The following SLCO1A2 variants were observed in gnomAD, a reference collection of about 807,000 sequenced individuals.
SLCO1A2 encodes the protein OATP-1.
In SLCO1A2, 67 loss-of-function variants were observed where a neutral mutation model predicts 69.0. That is an observed-to-expected ratio of 0.97 (90% confidence interval 0.80 to 1.19). The LOEUF (loss-of-function observed/expected upper bound fraction) is 1.19, where lower values mean the gene tolerates loss of function less well. Among genes scored for constraint, SLCO1A2 ranks in the 50% most tolerant of loss-of-function variants. The pLI, the probability that SLCO1A2 is intolerant of heterozygous loss-of-function variation, is 0.00. For missense variants in SLCO1A2, 787 were observed against 793.7 expected (o/e 0.99, Z 0.10); for synonymous variants, 260 against 265.9 (o/e 0.98, Z 0.22).
rs1187217357 is a variant in SLCO1A2, at chr12:21,268,408, A to G, written c.*1140T>C. 1 of 152,014 alleles carries G rather than the reference A, an allele frequency of 6.6e-6. No individual in the cohort carries two copies. The highest frequency in any genetic ancestry group is 1.9e-4 in the East Asian group (1 of 5,174). The allele number at this position is 152,014 out of a possible 1,614,324, so 9.4% of individuals were successfully genotyped here. On this transcript the variant is annotated 3_prime_UTR_variant, in exon 15 of 15. Coordinates refer to ENST00000683939, the MANE Select transcript of SLCO1A2 (RefSeq NM_001386879.1). ...TCCATTAGGGATTTATGTCATTCTT[A>G]TATATTGACTGTCATTTCAACAGGA...
chr12:21,409,954 A>G (rs777102030), intron 1 of SLCO1A2, among the ~76,000 whole-genome samples: 4 of 152,136 alleles, frequency 2.6e-5, no homozygotes, highest in Non-Finnish European at 5.9e-5. Context: ...CTATTTTTAA[A>G]ATGTGGAAAG....
intron 2 of SLCO1A2, among the ~76,000 whole-genome samples, chr12:21,351,141 A>T (rs967545598): frequency 1.3e-5 from 2 of 152,164 alleles, no homozygotes; most frequent in Admixed American, 1.3e-4. Flanking sequence ...CACTATGGGG[A>T]GGCACTGAGT....
chr12:21,280,712 T>A (rs960414962), intron 12 of SLCO1A2, among the ~76,000 whole-genome samples: 1 of 149,750 alleles, frequency 6.7e-6, no homozygotes, highest in Non-Finnish European at 1.5e-5. Context: ...CAAAGAAACA[T>A]TGGATTTCAT....
At chr12:21,385,060 C>A (rs1018644383) in intron 1 of SLCO1A2, among the ~76,000 whole-genome samples, 1 of 152,060 alleles carries the variant, frequency 6.6e-6, no homozygotes, top group Non-Finnish European at 1.5e-5. Flanking sequence ...CCACTTCGCC[C>A]GGCCAGATTT....
chr12:21,368,877 A>AATCTTCT (rs1939583842), intron 2 of SLCO1A2, among the ~76,000 whole-genome samples: 1 of 152,176 alleles, frequency 6.6e-6, no homozygotes, highest in Non-Finnish European at 1.5e-5. Context: ...AGGAGAGCTG[A>AATCTTCT]ATCTTCTTCT....
chr12:21,383,620 G>A (rs1027042386), intron 1 of SLCO1A2, among the ~76,000 whole-genome samples: 14 of 151,944 alleles, frequency 9.2e-5, no homozygotes, highest in Admixed American at 3.3e-4. Context: ...ACACAGATAA[G>A]AGTCTATGTA....
chr12:21,339,559 T>C (rs1388887565), upstream of SLCO1A2, among the ~76,000 whole-genome samples: 1 of 151,862 alleles, frequency 6.6e-6, no homozygotes, highest in East Asian at 1.9e-4. Flanking sequence ...GAACTCATAA[T>C]AGATAATTTA....
chr12:21,410,785 G>A (rs1591922643), intron 1 of SLCO1A2, among the ~76,000 whole-genome samples: 1 of 152,148 alleles, frequency 6.6e-6, no homozygotes, highest in Middle Eastern at 3.4e-3. Context: ...AAATGGTTAG[G>A]TATAAAATTA....
chr12:21,417,732 T>C (rs1025199606), intron 1 of SLCO1A2: 19 of 152,236 alleles, frequency 1.2e-4, no homozygotes, highest in African/African-American at 4.6e-4. Context: ...ATTTGGTGGA[T>C]GTCAAAAAGT....
At chr12:21,274,907 A>AT (rs946486110) in intron 13 of SLCO1A2, 1 of 1,059,006 alleles carries the variant, frequency 9.4e-7, no homozygotes, top group Non-Finnish European at 1.1e-6. Context: ...ATTTTCTTTC[A>AT]TTTTATTTTC....
chr12:21,400,372 A>C (rs71446785), upstream of SLCO1A2, among the ~76,000 whole-genome samples: 5 of 151,096 alleles, frequency 3.3e-5, no homozygotes, highest in African/African-American at 1.2e-4. Context: ...AAAAGTCAGG[A>C]AGCAACAGAT....
chr12:21,335,101 T>G (rs1439720392), upstream of SLCO1A2, among the ~76,000 whole-genome samples: 1 of 152,016 alleles, frequency 6.6e-6, no homozygotes. Flanking sequence ...ACTAAAAACC[T>G]GCTTCACTAA....
intron 6 of SLCO1A2, 64 bp from the exon 7 acceptor site, chr12:21,301,333 C>G: frequency 9.6e-7 from 1 of 1,044,308 alleles, no homozygotes; most frequent in Non-Finnish European, 1.4e-6. Context: ...AGTTCTAGGT[C>G]TATGAAAAGC....
At position 21,304,537 on chromosome 12, in the gene SLCO1A2, T is replaced by G. The variant is rs1214771199; in HGVS notation, c.479A>C (p.Tyr160Ser). ...TKEVKSLMWV[Y>S]VLVGNIVRGM... is the part of the protein sequence containing the mutation. ...ACGTACAATATTGCCTACTAGGACG[T>G]ACACCCACATTAATGATTTAACTTC... The change falls in exon 6 of 15, where the codon TAC becomes TCC. Residue 160 changes from tyrosine to serine, a missense_variant. Tyr to Ser is a moderately radical substitution (Grantham distance 144, BLOSUM62 -2). Transcript: ENST00000683939. 6.2e-7 allele frequency: 1 copy of G among 1,612,966 alleles called. No homozygotes were observed. The highest frequency in any genetic ancestry group is 8.5e-7 in the Non-Finnish European group (1 of 1,179,294).
chr12:21,293,341 A>C (rs1296512972), intron 11 of SLCO1A2, among the ~76,000 whole-genome samples: 1 of 152,140 alleles, frequency 6.6e-6, no homozygotes, highest in South Asian at 2.1e-4. Context: ...CTTTCAAAAA[A>C]AGAATTGTCA....
At chr12:21,319,727 G>A (rs1244244426) in intron 2 of SLCO1A2, 1 of 266,072 alleles carries the variant, frequency 3.8e-6, no homozygotes, top group Non-Finnish European at 7.5e-6. Context: ...ATTTCCATAG[G>A]TTTTATCAAT....
At chr12:21,384,691 A>G (rs1940776858) in intron 1 of SLCO1A2, among the ~76,000 whole-genome samples, 1 of 152,204 alleles carries the variant, frequency 6.6e-6, no homozygotes, top group Non-Finnish European at 1.5e-5. Context: ...AAACTTTTTA[A>G]AACTTGAAAT....
rs373968829 is a variant in SLCO1A2, at chr12:21,292,947, A to C, written c.1438-611T>G. Among the ~76,000 whole-genome samples, 7 of 152,348 alleles carry C rather than the reference A, an allele frequency of 4.6e-5. No homozygotes were observed. The East Asian group carries it at 5.8e-4, about 13-fold the overall frequency. On this transcript the variant is annotated intron_variant, in intron 11 of 14. Transcript: ENST00000683939. ...TACAACACTACATTGGACAAACAAA[A>C]TCTGTTTCAGAGTGCTCAACTGAAA...
rs887861648 is a variant in SLCO1A2, at chr12:21,332,235, T to C, written c.60+2353A>G. On this transcript the variant is annotated intron_variant, in intron 2 of 14. Coordinates refer to ENST00000683939, the MANE Select transcript of SLCO1A2 (RefSeq NM_001386879.1). ...ACATGTAAGATTTACATTGGTTCAATTGGGAAGGTCAAGATAACTCAAAGC... is the reference window on the plus strand; with the variant it reads ...ACATGTAAGATTTACATTGGTTCAACTGGGAAGGTCAAGATAACTCAAAGC... Among the ~76,000 whole-genome samples, 24 of 152,106 alleles carry C rather than the reference T, an allele frequency of 1.6e-4. 1 individual carries two copies. The highest frequency in any genetic ancestry group is 1.6e-3 in the Admixed American group (24 of 15,242).
Sources: allele counts gnomAD v4.1 joint callset (sites outside exome capture counted in the v4.1 genomes callset), GRCh38; gene constraint gnomAD v4.1.1; transcripts MANE v1.5; gene names NCBI Gene and HGNC (gene_info 2026-07-23, HGNC 2026-07-21).